Variants in WDR41 observed in about 807,000 individuals in gnomAD.
WDR41 encodes the protein WD repeat domain 41.
A neutral mutation model predicts 69.3 loss-of-function variants in WDR41; 63 were observed. That is an observed-to-expected ratio of 0.91 (90% confidence interval 0.74 to 1.12). The LOEUF is 1.12. Among genes scored for constraint, WDR41 ranks in the 50% most tolerant of loss-of-function variants. The probability of loss-of-function intolerance (pLI) is 0.00; values close to 1 mark genes in which losing one functional copy is unlikely to be tolerated. For synonymous variants in WDR41, 185 were observed against 192.1 expected (o/e 0.96, Z 0.31); for missense variants, 543 against 534.5 (o/e 1.02, Z -0.16).
rs548339222 is a variant in WDR41, at chr5:77,440,839, T to C, written c.856A>G (p.Ile286Val). The C allele has an allele frequency of 9.9e-6, 16 of 1,614,214 alleles. No individual in the cohort carries two copies. Among genetic ancestry groups the C allele is most frequent in the East Asian group, 2.2e-5 (1 of 44,884 alleles). The change falls in exon 9 of 13, where the codon ATT becomes GTT. Residue 286 changes from isoleucine to valine, a missense_variant. Transcript: ENST00000296679. The stretch of plus-strand genomic sequence containing the variant: ...TCTTCATCACATGTGAAATGATGAA[T>C]AGAAATGTCATTTGATTTTTGACAG... ...KLCQKSNDIS[I>V]HHFTCDEENV...
intron 1 of WDR41, among the ~76,000 whole-genome samples, chr5:77,526,095 TA>T (rs1802442215): frequency 6.6e-6 from 1 of 152,208 alleles, no homozygotes; most frequent in African/African-American, 2.4e-5. Context: ...TTATAAATTT[TA>T]ACTATACACT....
intron 1 of WDR41, among the ~76,000 whole-genome samples, chr5:77,595,509 A>G (rs529108156): frequency 5.3e-5 from 8 of 152,164 alleles, no homozygotes; most frequent in Non-Finnish European, 1.0e-4. Flanking sequence ...TGTTGTTCAC[A>G]CTTCACTGGC....
intron 2 of WDR41, among the ~76,000 whole-genome samples, chr5:77,476,314 T>C (rs1284761870): frequency 1.3e-5 from 2 of 150,772 alleles, no homozygotes; most frequent in African/African-American, 2.4e-5. Context: ...ATTCAGGAAA[T>C]ACAGAGAACG....
chr5:77,553,957 GAA>G (rs1174032907), intron 1 of WDR41, among the ~76,000 whole-genome samples: 1 of 152,162 alleles, frequency 6.6e-6, no homozygotes, highest in Non-Finnish European at 1.5e-5. Context: ...CCAGAGGAAT[GAA>G]AGTTATTTTA....
chr5:77,447,814 C>T (rs188499653), intron 8 of WDR41, among the ~76,000 whole-genome samples: 16 of 152,238 alleles, frequency 1.1e-4, no homozygotes, highest in Non-Finnish European at 1.9e-4. Context: ...GTGCAGCAAA[C>T]CATCATGGCA....
chr5:77,542,965 G>A (rs532797607), intron 1 of WDR41, among the ~76,000 whole-genome samples: 13 of 152,272 alleles, frequency 8.5e-5, no homozygotes, highest in Non-Finnish European at 1.5e-4. Flanking sequence ...CCCACAGACA[G>A]TTCACATCAC....
intron 2 of WDR41, among the ~76,000 whole-genome samples, chr5:77,484,674 TAAA>T (rs1341966639): frequency 6.6e-6 from 1 of 152,190 alleles, no homozygotes; most frequent in Non-Finnish European, 1.5e-5. Flanking sequence ...TACAGTTTCT[TAAA>T]AAGCTGCCCA....
At chr5:77,479,896 A>G (rs1169921374) in intron 2 of WDR41, among the ~76,000 whole-genome samples, 1 of 151,736 alleles carries the variant, frequency 6.6e-6, no homozygotes, top group Non-Finnish European at 1.5e-5. Context: ...AACCTACAAA[A>G]TGGGAGAAAA....
At chr5:77,524,893 A>C (rs765287445) in intron 1 of WDR41, among the ~76,000 whole-genome samples, 33 of 152,164 alleles carry the variant, frequency 2.2e-4, no homozygotes, top group Non-Finnish European at 4.4e-4. Flanking sequence ...TGAACATTTT[A>C]CTCCAAAATA....
At chr5:77,456,267 C>A (rs1799829282) in intron 5 of WDR41, among the ~76,000 whole-genome samples, 1 of 152,122 alleles carries the variant, frequency 6.6e-6, no homozygotes, top group African/African-American at 2.4e-5. Flanking sequence ...CCTTGGCCTC[C>A]CAAAGTGCTA....
intron 2 of WDR41, among the ~76,000 whole-genome samples, chr5:77,473,654 C>T (rs1175762246): frequency 5.3e-5 from 8 of 152,290 alleles, no homozygotes; most frequent in Middle Eastern, 3.4e-3. Flanking sequence ...AGACACTTCT[C>T]AAAAGAAGAT....
chr5:77,507,783 T>A (rs920010847), intron 1 of WDR41, among the ~76,000 whole-genome samples: 5 of 152,218 alleles, frequency 3.3e-5, no homozygotes, highest in South Asian at 2.1e-4. Flanking sequence ...CTTTATTGCA[T>A]AATTTTTTAA....
chr5:77,498,021 T>C (rs1801960262), intron 1 of WDR41, among the ~76,000 whole-genome samples: 1 of 152,222 alleles, frequency 6.6e-6, no homozygotes, highest in African/African-American at 2.4e-5. Flanking sequence ...GATTCCACTA[T>C]TATGAAATAC....
chr5:77,591,663 T>A (rs567702880), intron 1 of WDR41, among the ~76,000 whole-genome samples: 3 of 152,144 alleles, frequency 2.0e-5, no homozygotes, highest in Non-Finnish European at 4.4e-5. Context: ...CCTTAAGTTA[T>A]ACAGAAAATG....
At chr5:77,505,761 A>T (rs1802094866) in intron 1 of WDR41, among the ~76,000 whole-genome samples, 1 of 152,238 alleles carries the variant, frequency 6.6e-6, no homozygotes, top group Non-Finnish European at 1.5e-5. Flanking sequence ...ATCTTTGACA[A>T]ATCTGACAAA....
At chr5:77,612,806 G>A (rs1233793683) in intron 1 of WDR41, among the ~76,000 whole-genome samples, 3 of 149,560 alleles carry the variant, frequency 2.0e-5, no homozygotes, top group African/African-American at 7.3e-5. Flanking sequence ...CAATTAGGCA[G>A]GAGAAGGAAA....
chr5:77,440,507 TCA>T (rs1190731671), intron 9 of WDR41, among the ~76,000 whole-genome samples: 9 of 152,220 alleles, frequency 5.9e-5, no homozygotes, highest in African/African-American at 9.6e-5. Flanking sequence ...GAACTCTTTT[TCA>T]CAGTGTTTCT....
chr5:77,440,114 G>A (rs1054653977), intron 9 of WDR41, among the ~76,000 whole-genome samples: 18 of 152,150 alleles, frequency 1.2e-4, no homozygotes, highest in African/African-American at 2.7e-4. Flanking sequence ...CGTGCATGCC[G>A]TTAGAAAAAT....
chr5:77,507,521 C>T (rs751095045), intron 1 of WDR41, among the ~76,000 whole-genome samples: 7 of 152,184 alleles, frequency 4.6e-5, no homozygotes, highest in Non-Finnish European at 8.8e-5. Flanking sequence ...CCCCACCAAG[C>T]CTTCACATGA....
Sources: allele counts gnomAD v4.1 joint callset (sites outside exome capture counted in the v4.1 genomes callset), GRCh38; gene constraint gnomAD v4.1.1; transcripts MANE v1.5; gene names NCBI Gene and HGNC (gene_info 2026-07-23, HGNC 2026-07-21).